MYO3B: variants seen among roughly 807,000 people sequenced by gnomAD.
MYO3B encodes the protein myosin-IIIb.
Under a neutral mutation model 174.6 loss-of-function variants are expected in MYO3B, and 156 were observed. The observed-to-expected ratio is 0.89, with a 90% confidence interval of 0.78 to 1.02. The LOEUF (loss-of-function observed/expected upper bound fraction) is 1.02. Ranked by LOEUF, MYO3B falls within the 50% of genes least tolerant of loss-of-function variation. The pLI, the probability that MYO3B is intolerant of heterozygous loss-of-function variation, is 0.00. For missense variants in MYO3B, 1,632 were observed against 1,639.4 expected, an observed-to-expected ratio of 1.00 and a Z score of 0.08; for synonymous variants, 563 against 569.1, an observed-to-expected ratio of 0.99 and a Z score of 0.15.
At chr2:170,548,312 A>T (rs1392501347) in intron 32 of MYO3B, among the ~76,000 whole-genome samples, 1 of 152,094 alleles carries the variant, frequency 6.6e-6, no homozygotes, top group Non-Finnish European at 1.5e-5. Context: ...AAGTAGAGTC[A>T]TAGGAAATGA....
chr2:170,372,118 C>CAACAAAAAAA (rs2094251204), intron 9 of MYO3B, among the ~76,000 whole-genome samples: 1 of 22,216 alleles, frequency 4.5e-5, no homozygotes, highest in East Asian at 2.7e-3. Flanking sequence ...GACCCTGTCT[C>CAACAAAAAAA]AAAAAAAAAA....
intron 16 of MYO3B, among the ~76,000 whole-genome samples, chr2:170,399,643 T>C (rs898572086): frequency 4.6e-5 from 7 of 152,194 alleles, no homozygotes; most frequent in African/African-American, 1.4e-4. Context: ...TGAATGAATG[T>C]CTTCCCAACT....
chr2:170,569,732 C>T (rs1001592482), intron 32 of MYO3B, among the ~76,000 whole-genome samples: 2 of 151,582 alleles, frequency 1.3e-5, no homozygotes, highest in African/African-American at 2.4e-5. Flanking sequence ...CATGGTGGCA[C>T]ATGCCTGTAA....
intron 1 of MYO3B, among the ~76,000 whole-genome samples, chr2:170,185,669 T>C (rs1211486740): frequency 6.6e-6 from 1 of 152,136 alleles, no homozygotes; most frequent in African/African-American, 2.4e-5. Flanking sequence ...GTTTTTTCTA[T>C]TTATGTGAGG....
At chr2:170,182,471 C>T (rs896597927) in intron 1 of MYO3B, among the ~76,000 whole-genome samples, 8 of 152,082 alleles carry the variant, frequency 5.3e-5, no homozygotes, top group Non-Finnish European at 7.4e-5. Flanking sequence ...TCTAGTCTAA[C>T]GATCTGACTA....
chr2:170,489,596 G>A (rs1686299278), intron 25 of MYO3B, among the ~76,000 whole-genome samples: 2 of 151,014 alleles, frequency 1.3e-5, no homozygotes, highest in Non-Finnish European at 2.9e-5. Flanking sequence ...ACCTACATGA[G>A]AGCAATCAGG....
chr2:170,423,770 G>A (rs1183682104), intron 22 of MYO3B, among the ~76,000 whole-genome samples: 2 of 151,952 alleles, frequency 1.3e-5, no homozygotes, highest in Non-Finnish European at 2.9e-5. Context: ...TAGTAAAGAC[G>A]GGGTTTCACC....
intron 32 of MYO3B, among the ~76,000 whole-genome samples, chr2:170,643,114 A>T (rs552805475): frequency 6.6e-6 from 1 of 152,310 alleles, no homozygotes; most frequent in Admixed American, 6.5e-5. Flanking sequence ...CATGTTAAAA[A>T]ATACTCTCAG....
At chr2:170,643,860 G>A (rs925456812) in intron 32 of MYO3B, 1 of 152,202 alleles carries the variant, frequency 6.6e-6, no homozygotes, top group Non-Finnish European at 1.5e-5. Context: ...GGGAATACGT[G>A]GGCTGCATGC....
At chr2:170,594,480 G>A (rs1461443476) in intron 32 of MYO3B, among the ~76,000 whole-genome samples, 1 of 152,142 alleles carries the variant, frequency 6.6e-6, no homozygotes. Context: ...TGTTTCCTAT[G>A]TTGGGTAAAC....
chr2:170,632,533 A>C (rs562254322), intron 32 of MYO3B, among the ~76,000 whole-genome samples: 1 of 152,346 alleles, frequency 6.6e-6, no homozygotes, highest in African/African-American at 2.4e-5. Context: ...GAAAGCAGGA[A>C]AGATCTAAAA....
intron 8 of MYO3B, among the ~76,000 whole-genome samples, chr2:170,361,472 A>AAGCCAAAATAT (rs1325566361): frequency 6.6e-6 from 1 of 152,238 alleles, no homozygotes; most frequent in Non-Finnish European, 1.5e-5. Context: ...TAATTCTCGG[A>AAGCCAAAATAT]CACAAAATTG....
chr2:170,338,351 C>T (rs2093958340), intron 8 of MYO3B, among the ~76,000 whole-genome samples: 1 of 152,102 alleles, frequency 6.6e-6, no homozygotes, highest in African/African-American at 2.4e-5. Context: ...AATATGTCAT[C>T]AGTCTTCTTT....
chr2:170,271,936 G>C (rs928577812), intron 7 of MYO3B, among the ~76,000 whole-genome samples: 1 of 152,072 alleles, frequency 6.6e-6, no homozygotes, highest in Non-Finnish European at 1.5e-5. Flanking sequence ...TCAGGTTTCA[G>C]TATATAATAA....
chr2:170,466,868 G>A (rs971786219), intron 25 of MYO3B, among the ~76,000 whole-genome samples, 157 bp downstream of exon 25: 2 of 152,126 alleles, frequency 1.3e-5, no homozygotes, highest in Admixed American at 6.5e-5. Flanking sequence ...CATTTTTATT[G>A]TGCTTCAACT....
intron 6 of MYO3B, among the ~76,000 whole-genome samples, chr2:170,226,894 C>G (rs555728854): frequency 2.1e-4 from 32 of 152,334 alleles, no homozygotes; most frequent in Non-Finnish European, 3.8e-4. Flanking sequence ...GTTGCCCCTT[C>G]TCTTCATCCA....
At chr2:170,463,514 GC>G in intron 24 of MYO3B, 69 bp downstream of exon 24, 1 of 1,358,144 alleles carries the variant, frequency 7.4e-7, no homozygotes, top group Non-Finnish European at 1.0e-6. Context: ...CTTATGAGAT[GC>G]CCAGATGGAG....
chr2:170,636,400 CTTTT>C (rs10712536), intron 32 of MYO3B, among the ~76,000 whole-genome samples: 1 of 143,038 alleles, frequency 7.0e-6, no homozygotes, highest in Non-Finnish European at 1.5e-5. Context: ...CCATGAATTT[CTTTT>C]TTTTTTTTTT....
At chr2:170,494,035 CT>C (rs1045165832) in intron 25 of MYO3B, among the ~76,000 whole-genome samples, 2 of 152,240 alleles carry the variant, frequency 1.3e-5, no homozygotes, top group African/African-American at 4.8e-5. Flanking sequence ...ATTCCTGACC[CT>C]CAGAAACTGT....
Sources: gnomAD v4.1 joint callset for allele counts (sites outside exome capture counted in the v4.1 genomes callset) on GRCh38, gnomAD v4.1.1 for gene constraint, MANE v1.5 for transcripts, NCBI Gene and HGNC (gene_info 2026-07-23, HGNC 2026-07-21) for gene names.